The following KCND2 variants were observed in gnomAD, a reference collection of about 807,000 sequenced individuals.
KCND2 encodes potassium voltage-gated channel subfamily D member 2.
Under a neutral mutation model 54.4 loss-of-function variants are expected in KCND2, and 16 were observed. The observed-to-expected ratio is 0.29, with a 90% CI of 0.20 to 0.45. KCND2 has a LOEUF of 0.45. Among genes scored for constraint, KCND2 ranks in the 20% least tolerant of loss-of-function variants. The pLI is 1.00. For missense variants in KCND2, 486 were observed against 824.2 expected (o/e 0.59, Z 5.02); for synonymous variants, 317 against 310.7 (o/e 1.02, Z -0.21).
At chr7:120,618,399 T>C (rs114286167) in intron 1 of KCND2, among the ~76,000 whole-genome samples, 2,472 of 152,316 alleles carry the variant, frequency 0.016, 56 homozygotes, top group African/African-American at 0.055. Context: ...TTAATGTATT[T>C]GTCTTCATCC....
intron 1 of KCND2, among the ~76,000 whole-genome samples, chr7:120,585,338 T>C (rs887134714): frequency 1.3e-5 from 2 of 151,810 alleles, no homozygotes; most frequent in African/African-American, 2.4e-5. Flanking sequence ...GGACAGGAGA[T>C]AGTGAAGGTA....
At chr7:120,314,540 C>A (rs376723390) in intron 1 of KCND2, among the ~76,000 whole-genome samples, 2 of 152,058 alleles carry the variant, frequency 1.3e-5, no homozygotes, top group East Asian at 3.9e-4. Context: ...TACCATGTTA[C>A]CATAAAGAAT....
At chr7:120,305,639 A>G (rs530834505) in intron 1 of KCND2, among the ~76,000 whole-genome samples, 17 of 152,246 alleles carry the variant, frequency 1.1e-4, no homozygotes, top group African/African-American at 3.6e-4. Context: ...GCAAGGGTCT[A>G]CAGATTCCTT....
chr7:120,625,033 A>G (rs1004654420), intron 1 of KCND2, among the ~76,000 whole-genome samples: 7 of 152,162 alleles, frequency 4.6e-5, no homozygotes, highest in African/African-American at 1.7e-4. Context: ...TCTAATTGCA[A>G]TTTTGCCTAT....
At chr7:120,572,751 G>C (rs1562876469) in intron 1 of KCND2, among the ~76,000 whole-genome samples, 1 of 152,078 alleles carries the variant, frequency 6.6e-6, no homozygotes, top group Non-Finnish European at 1.5e-5. Flanking sequence ...CTCCTGTCCT[G>C]ACCTCAAGTG....
At chr7:120,618,040 G>A (rs976451435) in intron 1 of KCND2, among the ~76,000 whole-genome samples, 2 of 152,056 alleles carry the variant, frequency 1.3e-5, no homozygotes, top group African/African-American at 2.4e-5. Context: ...AATGAGGGTC[G>A]AAAAGCTACC....
chr7:120,454,455 G>T (rs1278527910), intron 1 of KCND2, among the ~76,000 whole-genome samples: 1 of 152,132 alleles, frequency 6.6e-6, no homozygotes, highest in Non-Finnish European at 1.5e-5. Flanking sequence ...ATACCTAGAG[G>T]AAACGGATAA....
At chr7:120,326,944 G>T (rs1372558009) in intron 1 of KCND2, among the ~76,000 whole-genome samples, 1 of 152,012 alleles carries the variant, frequency 6.6e-6, no homozygotes, top group Non-Finnish European at 1.5e-5. Flanking sequence ...AATAGATCTG[G>T]TAGGGCTAGG....
At chr7:120,478,548 A>G (rs1584795271) in intron 1 of KCND2, among the ~76,000 whole-genome samples, 1 of 152,176 alleles carries the variant, frequency 6.6e-6, no homozygotes, top group Non-Finnish European at 1.5e-5. Context: ...TAAATAATGA[A>G]TCATGAAAAA....
At chr7:120,640,675 A>G (rs1305050943) in intron 1 of KCND2, among the ~76,000 whole-genome samples, 1 of 152,232 alleles carries the variant, frequency 6.6e-6, no homozygotes, top group Non-Finnish European at 1.5e-5. Context: ...CTTACTTTAA[A>G]AGGAATATCC....
rs767886907 is a variant in KCND2, at chr7:120,517,008, T to A, written c.1116-215895T>A. The stretch of plus-strand genomic sequence containing the variant: ...AAATTTTATTTTCTCCAAAGGAAAC[T>A]ATTTGATCCAGTAAAATAATTTTAT... On this transcript the variant is annotated intron_variant, in intron 1 of 5. Coordinates refer to ENST00000331113, the MANE Select transcript of KCND2 (RefSeq NM_012281.3). Among the ~76,000 whole-genome samples the A allele has an allele frequency of 2.0e-3, 312 of 152,272 alleles. 1 individual carries two copies. Among genetic ancestry groups the A allele is most frequent in the Non-Finnish European group, 3.4e-3 (234 of 68,002 alleles).
In KCND2 at chr7:120,682,226, T is replaced by A. The variant is rs1201027153; in HGVS notation, c.1116-50677T>A. On this transcript the variant is annotated intron_variant, in intron 1 of 5. Coordinates refer to ENST00000331113, the MANE Select transcript of KCND2 (RefSeq NM_012281.3). ...TTATGTTTTCTCTAAGTGCAGCTTG[T>A]TTTCATTACATAAGTTATTTCTCTC... is the stretch of plus-strand genomic sequence containing the variant. Among the ~76,000 whole-genome samples, 6 of 152,016 alleles carry A rather than the reference T, an allele frequency of 3.9e-5. No homozygotes were observed. The East Asian group carries it at 1.2e-3, about 29-fold the overall frequency.
chr7:120,722,262 C>A (rs1792676263), intron 1 of KCND2, among the ~76,000 whole-genome samples: 1 of 152,164 alleles, frequency 6.6e-6, no homozygotes, highest in Non-Finnish European at 1.5e-5. Context: ...CCAGGCCCTA[C>A]CTGGAGTGGT....
chr7:120,496,572 C>T (rs1802850723), intron 1 of KCND2, among the ~76,000 whole-genome samples: 1 of 147,752 alleles, frequency 6.8e-6, no homozygotes, highest in Admixed American at 6.7e-5. Flanking sequence ...CTACAGGTTC[C>T]CACCACCACG....
intron 1 of KCND2, among the ~76,000 whole-genome samples, chr7:120,439,058 A>G (rs1207954819): frequency 2.0e-5 from 3 of 152,232 alleles, no homozygotes; most frequent in Admixed American, 2.0e-4. Flanking sequence ...TGCTCTTTAT[A>G]TGAAATATTT....
chr7:120,497,597 G>A (rs553023985), intron 1 of KCND2, among the ~76,000 whole-genome samples: 2 of 152,220 alleles, frequency 1.3e-5, no homozygotes, highest in East Asian at 3.9e-4. Flanking sequence ...CATCCACTTG[G>A]CCATCCTAGG....
At chr7:120,384,559 A>G (rs544289841) in intron 1 of KCND2, among the ~76,000 whole-genome samples, 2 of 152,284 alleles carry the variant, frequency 1.3e-5, no homozygotes, top group African/African-American at 4.8e-5. Context: ...CACATTGCAT[A>G]TACATGAAAT....
In KCND2 at chr7:120,273,320, C is replaced by G. The variant is rs1183409877; in HGVS notation, c.-1313C>G. Among the ~76,000 whole-genome samples the G allele has an allele frequency of 2.0e-5, 3 of 150,712 alleles. No homozygotes were observed. The South Asian group carries it at 6.2e-4, about 31-fold the overall frequency. ...GCAGCTAGCAGCCCTCCCGCGCCCCCGCGCTGCCGAGCGCCTTCTGCCTCC... is the reference window on the plus strand; with the variant it reads ...GCAGCTAGCAGCCCTCCCGCGCCCCGGCGCTGCCGAGCGCCTTCTGCCTCC... On this transcript the variant is annotated 5_prime_UTR_variant, in exon 1 of 6. Coordinates refer to ENST00000331113, the MANE Select transcript of KCND2 (RefSeq NM_012281.3).
At chr7:120,627,670 T>C (rs1793179999) in intron 1 of KCND2, among the ~76,000 whole-genome samples, 1 of 152,142 alleles carries the variant, frequency 6.6e-6, no homozygotes, top group Non-Finnish European at 1.5e-5. Context: ...TGGTCTATAC[T>C]ACAGTTTAAG....
Sources: gnomAD v4.1 joint callset for allele counts (sites outside exome capture counted in the v4.1 genomes callset) on GRCh38, gnomAD v4.1.1 for gene constraint, MANE v1.5 for transcripts, NCBI Gene and HGNC (gene_info 2026-07-23, HGNC 2026-07-21) for gene names.